Variants in FAT3 observed in about 807,000 individuals in gnomAD.
The protein encoded by FAT3 is protocadherin Fat 3.
FAT3 carries 95 observed loss-of-function variants against 310.2 expected under a neutral mutation model. The ratio of observed to expected loss-of-function variants is 0.31; its 90% CI spans 0.26 to 0.36. The LOEUF (loss-of-function observed/expected upper bound fraction) is 0.36. Among genes scored for constraint, FAT3 ranks in the 10% least tolerant of loss-of-function variants. The pLI is 1.00. For synonymous variants in FAT3, 2,314 were observed against 2,192.9 expected (o/e 1.06, Z -1.54); for missense variants, 5,408 against 5,715.6 (o/e 0.95, Z 1.74).
intron 2 of FAT3, among the ~76,000 whole-genome samples, chr11:92,410,113 G>A (rs945429119): frequency 1.3e-5 from 2 of 152,186 alleles, no homozygotes; most frequent in Non-Finnish European, 2.9e-5. Context: ...GTGTTTTTAG[G>A]ATTATGACTA....
Position 92,355,223 on chromosome 11 carries a change from C to T in FAT3, c.3111C>T (p.Asn1037=), listed in dbSNP as rs1948698700. ...VEVEVVDVNE[N]LHTPYFPDFA... ...TGGAAGTGGTGGATGTCAATGAAAA[C>T]CTCCACACTCCCTATTTCCCAGACT... The change falls in exon 2 of 28, where the codon AAC becomes AAT. Residue 1037 remains asparagine (N), a synonymous_variant. Transcript: ENST00000525166. The T allele has an allele frequency of 3.7e-6, 6 of 1,613,628 alleles. No homozygotes were observed. Among genetic ancestry groups the T allele is most frequent in the African/African-American group, 1.3e-5 (1 of 74,882 alleles).
At chr11:92,752,488 T>C (rs989032711) in intron 4 of FAT3, among the ~76,000 whole-genome samples, 1 of 152,222 alleles carries the variant, frequency 6.6e-6, no homozygotes, top group Admixed American at 6.5e-5. Context: ...TCACAGTGAG[T>C]ACTTGATGCA....
intron 2 of FAT3, among the ~76,000 whole-genome samples, chr11:92,460,064 T>A (rs1479725406): frequency 6.6e-6 from 1 of 152,288 alleles, no homozygotes; most frequent in South Asian, 2.1e-4. Flanking sequence ...AAAAAGCAGC[T>A]GTTCTCTGTC....
intron 7 of FAT3, among the ~76,000 whole-genome samples, chr11:92,774,517 A>G (rs140644385): frequency 9.5e-4 from 144 of 152,328 alleles, no homozygotes; most frequent in African/African-American, 3.1e-3. Flanking sequence ...GAGTTAACAC[A>G]CCATGTTATT....
At chr11:92,379,335 C>A (rs2134754314) in intron 2 of FAT3, among the ~76,000 whole-genome samples, 1 of 152,266 alleles carries the variant, frequency 6.6e-6, no homozygotes, top group Non-Finnish European at 1.5e-5. Context: ...AAGTGTCAAA[C>A]ATTTCTGTAT....
At chr11:92,334,348 C>T (rs1947999204) in intron 1 of FAT3, among the ~76,000 whole-genome samples, 2 of 152,088 alleles carry the variant, frequency 1.3e-5, no homozygotes, top group African/African-American at 4.8e-5. Flanking sequence ...GCACTCCAGC[C>T]TGGATGAAAG....
chr11:92,721,231 A>G (rs1341194593), intron 4 of FAT3, among the ~76,000 whole-genome samples: 1 of 152,258 alleles, frequency 6.6e-6, no homozygotes, highest in Non-Finnish European at 1.5e-5. Flanking sequence ...TTATTATAAA[A>G]TTAAATGAAA....
chr11:92,846,914 AG>A (rs1948696743), intron 19 of FAT3, among the ~76,000 whole-genome samples: 1 of 152,324 alleles, frequency 6.6e-6, no homozygotes, highest in East Asian at 1.9e-4. Context: ...GGAGCTCCAA[AG>A]GTCATCTAGC....
intron 3 of FAT3, among the ~76,000 whole-genome samples, chr11:92,592,419 T>G (rs1478856792): frequency 2.0e-5 from 3 of 150,412 alleles, no homozygotes; most frequent in Non-Finnish European, 4.4e-5. Context: ...CCTCCCAGGT[T>G]CAAGCAATTC....
intron 3 of FAT3, among the ~76,000 whole-genome samples, chr11:92,639,713 T>C (rs1227146825): frequency 2.6e-5 from 4 of 152,198 alleles, no homozygotes; most frequent in African/African-American, 9.6e-5. Flanking sequence ...ATTCATTGTA[T>C]TGTGATTTTC....
chr11:92,670,915 A>C (rs1736019969), intron 3 of FAT3, among the ~76,000 whole-genome samples: 1 of 151,954 alleles, frequency 6.6e-6, no homozygotes, highest in African/African-American at 2.4e-5. Context: ...TTCCTCAAAA[A>C]CCCTTAAGTA....
intron 1 of FAT3, among the ~76,000 whole-genome samples, chr11:92,277,628 T>G (rs1946308077): frequency 6.6e-6 from 1 of 152,086 alleles, no homozygotes; most frequent in Non-Finnish European, 1.5e-5. Flanking sequence ...TACGGAATGT[T>G]CCCACTTGTA....
At chr11:92,832,356 A>G (rs1303801105) in intron 14 of FAT3, among the ~76,000 whole-genome samples, 3 of 151,810 alleles carry the variant, frequency 2.0e-5, no homozygotes, top group Non-Finnish European at 4.4e-5. Flanking sequence ...TAATAGTAAG[A>G]ATGCAGGACT....
intron 1 of FAT3, among the ~76,000 whole-genome samples, chr11:92,335,090 A>G (rs1008895012): frequency 6.6e-6 from 1 of 152,024 alleles, no homozygotes; most frequent in African/African-American, 2.4e-5. Flanking sequence ...ACATGAAACC[A>G]TCTCTGTCCT....
At chr11:92,301,957 T>G (rs1947009127) in intron 1 of FAT3, among the ~76,000 whole-genome samples, 1 of 152,034 alleles carries the variant, frequency 6.6e-6, no homozygotes, top group Non-Finnish European at 1.5e-5. Flanking sequence ...TCTACTGACA[T>G]CATACTAATG....
intron 2 of FAT3, among the ~76,000 whole-genome samples, chr11:92,366,037 C>G (rs962731661): frequency 1.3e-5 from 2 of 152,200 alleles, no homozygotes; most frequent in African/African-American, 4.8e-5. Flanking sequence ...TGTCACATCA[C>G]CATGCAGGTT....
At chr11:92,693,151 G>A (rs1428400023) in intron 3 of FAT3, among the ~76,000 whole-genome samples, 4 of 152,136 alleles carry the variant, frequency 2.6e-5, no homozygotes, top group African/African-American at 7.2e-5. Context: ...CCAGCCATAT[G>A]TCTCCCCCAC....
chr11:92,225,442 G>A (rs955676850), intron 1 of FAT3, among the ~76,000 whole-genome samples: 3 of 152,180 alleles, frequency 2.0e-5, no homozygotes, highest in African/African-American at 7.2e-5. Context: ...CGGAGAGTTG[G>A]CCAAGTTTGG....
Position 92,354,703 on chromosome 11 carries a change from G to A in FAT3, c.2591G>A (p.Gly864Asp). The part of the protein sequence containing the change: ...EARDKDLGSN[G>D]EVTYSVLTDT... ...AGAGACAAAGACTTAGGTTCTAATG[G>A]TGAAGTGACTTACTCAGTCTTGACA... The change falls in exon 2 of 28, where the codon GGT (glycine) becomes GAT (aspartate). Residue 864 changes from glycine (G) to aspartate (D), a missense_variant. Gly to Asp is a moderately conservative substitution (Grantham distance 94). Transcript: ENST00000525166. The A allele has an allele frequency of 6.2e-7, 1 of 1,613,840 alleles. No homozygotes were observed. The highest frequency in any genetic ancestry group is 2.2e-5 in the East Asian group (1 of 44,876).
Sources: allele counts gnomAD v4.1 joint callset (sites outside exome capture counted in the v4.1 genomes callset), GRCh38; gene constraint gnomAD v4.1.1; transcripts MANE v1.5; gene names NCBI Gene and HGNC (gene_info 2026-07-23, HGNC 2026-07-21).